The following SLC5A12 variants were observed in gnomAD, a reference collection of about 807,000 sequenced individuals.
The protein encoded by SLC5A12 is sodium-coupled monocarboxylate transporter 2.
SLC5A12 carries 46 observed loss-of-function variants against 72.7 expected under a neutral mutation model. That is an observed-to-expected ratio of 0.63 (90% CI 0.50 to 0.81). The LOEUF is 0.81. SLC5A12 is among the 30% of genes least tolerant of loss of function. SLC5A12 has a pLI of 0.00. For synonymous variants in SLC5A12, 275 were observed against 264.4 expected, an observed-to-expected ratio of 1.04 and a Z score of -0.39; for missense variants, 683 against 740.7, an observed-to-expected ratio of 0.92 and a Z score of 0.90.
At position 26,683,757 on chromosome 11, in the gene SLC5A12, C is replaced by G; in HGVS notation, c.1308G>C (p.Lys436Asn). Residue 436 changes from lysine (K) to asparagine (N), a missense_variant and splice_region_variant, in exon 11 of 15, where the codon AAG (lysine) becomes AAC (asparagine). Coordinates refer to ENST00000396005, the MANE Select transcript of SLC5A12 (RefSeq NM_178498.4). ...GTGAAGAGGGCTGTGGGATCCTTAC[C>G]TTCCAATTCACAAAAGGGAACACGA... ...LGIVFPFVNW[K>N]GALGGLLTGI... 1 of 1,582,474 alleles carries G rather than the reference C, an allele frequency of 6.3e-7. No individual in the cohort carries two copies. Among genetic ancestry groups the G allele is most frequent in the Non-Finnish European group, 8.6e-7 (1 of 1,163,456 alleles).
chr11:26,677,418 G>A (rs1294067653), intron 13 of SLC5A12, among the ~76,000 whole-genome samples: 1 of 152,152 alleles, frequency 6.6e-6, no homozygotes, highest in Admixed American at 6.6e-5. Flanking sequence ...GATTTCATGT[G>A]TACACATTTC....
rs554401687 is a variant in SLC5A12 at position 26,718,140 on chromosome 11, GAAGA to G, written c.339+3232_339+3235del. ...CAATAACTACTAGAGAATGGAGGCTGAAGAAAGAAACAGAAACTCCAGATACTAT... is the reference window on the plus strand; with the variant it reads ...CAATAACTACTAGAGAATGGAGGCTGAAGAAACAGAAACTCCAGATACTAT... On this transcript the variant is annotated intron_variant, in intron 1 of 14. Transcript: ENST00000396005. Among the ~76,000 whole-genome samples, 33 of 152,300 alleles carry G rather than the reference GAAGA, an allele frequency of 2.2e-4. No homozygotes were observed. The East Asian group carries it at 6.0e-3, about 28-fold the overall frequency.
Position 26,711,361 on chromosome 11 carries a change from G to C in SLC5A12, c.406-3C>G, listed in dbSNP as rs752881614. On this transcript the variant is annotated splice_region_variant and splice_polypyrimidine_tract_variant and intron_variant, in intron 2 of 14. Transcript: ENST00000396005. ...ACCACCACTCCTGTGTAGAGAATCT[G>C]GTAGAGAAACAAGAATCAGATTGGC... is the stretch of plus-strand genomic sequence containing the variant. 3.7e-6 allele frequency: 6 copies of C among 1,610,764 alleles called. No individual in the cohort carries two copies. The South Asian group carries it at 6.6e-5, about 18-fold the overall frequency.
chr11:26,713,121 C>T (rs1855270937), intron 1 of SLC5A12, among the ~76,000 whole-genome samples: 1 of 152,090 alleles, frequency 6.6e-6, no homozygotes, highest in South Asian at 2.1e-4. Flanking sequence ...TCTGTGCCCA[C>T]TCATCCTATC....
At chr11:26,685,133 C>T (rs902346076) in intron 10 of SLC5A12, among the ~76,000 whole-genome samples, 7 of 152,208 alleles carry the variant, frequency 4.6e-5, no homozygotes, top group African/African-American at 1.7e-4. Flanking sequence ...TAGATTAGTT[C>T]CCTGAATCTT....
intron 8 of SLC5A12, among the ~76,000 whole-genome samples, chr11:26,694,046 C>T (rs189228441): frequency 3.0e-4 from 46 of 152,096 alleles, no homozygotes; most frequent in African/African-American, 9.6e-4. Context: ...ATCCTTTGGG[C>T]GGGAGGGAGC....
intron 3 of SLC5A12, among the ~76,000 whole-genome samples, chr11:26,710,798 C>T (rs1378186815): frequency 6.6e-6 from 1 of 151,988 alleles, no homozygotes; most frequent in Non-Finnish European, 1.5e-5. Context: ...GAATTAAATG[C>T]AATATTGAGG....
upstream of SLC5A12, among the ~76,000 whole-genome samples, chr11:26,722,484 G>T (rs1855501374): frequency 6.6e-6 from 1 of 152,136 alleles, no homozygotes; most frequent in African/African-American, 2.4e-5. Context: ...TAAAATGAAA[G>T]GTAATAATAT....
intron 10 of SLC5A12, among the ~76,000 whole-genome samples, chr11:26,686,077 G>T (rs1252975768): frequency 2.0e-5 from 3 of 152,074 alleles, no homozygotes; most frequent in Non-Finnish European, 4.4e-5. Context: ...ATACATCTAG[G>T]ACTCTGCCCA....
intron 2 of SLC5A12, 74 bp from the exon 3 acceptor site, chr11:26,711,432 A>G (rs1475582691): frequency 2.6e-6 from 3 of 1,151,236 alleles, no homozygotes; most frequent in East Asian, 4.8e-5. Flanking sequence ...AAAGTTCTTT[A>G]TCGACGTTAG....
At chr11:26,682,701 A>G (rs1055170708) in intron 11 of SLC5A12, among the ~76,000 whole-genome samples, 2 of 152,204 alleles carry the variant, frequency 1.3e-5, no homozygotes, top group Non-Finnish European at 2.9e-5. Context: ...AAAAAACTAC[A>G]ATGTACTAAC....
intron 3 of SLC5A12, among the ~76,000 whole-genome samples, chr11:26,710,663 A>G (rs994776893): frequency 2.0e-5 from 3 of 152,050 alleles, no homozygotes; most frequent in Middle Eastern, 3.2e-3. Flanking sequence ...TATATCATAA[A>G]ATCAGATTAC....
intron 9 of SLC5A12, among the ~76,000 whole-genome samples, chr11:26,691,503 T>G (rs1297214966): frequency 2.6e-5 from 4 of 151,850 alleles, no homozygotes; most frequent in Non-Finnish European, 5.9e-5. Flanking sequence ...TGAAAAAAAT[T>G]TAAAAAGTAA....
intron 9 of SLC5A12, 48 bp downstream of exon 9, chr11:26,692,441 C>T: frequency 3.1e-6 from 4 of 1,270,224 alleles, no homozygotes; most frequent in Non-Finnish European, 4.6e-6. Context: ...ACATCTACCA[C>T]ATGTACATTT....
intron 1 of SLC5A12, among the ~76,000 whole-genome samples, chr11:26,715,027 C>CCG (rs1855317785): frequency 2.0e-5 from 3 of 151,828 alleles, no homozygotes; most frequent in Admixed American, 2.0e-4. Flanking sequence ...GTAGAAAACA[C>CCG]TGAAATGTCT....
At chr11:26,711,435 G>A (rs968825390) in intron 2 of SLC5A12, 77 bp from the exon 3 acceptor site, 106 of 1,090,354 alleles carry the variant, frequency 9.7e-5, no homozygotes, top group Admixed American at 2.8e-4. Context: ...GTTCTTTATC[G>A]ACGTTAGACT....
chr11:26,670,010 C>T lies in SLC5A12; in HGVS notation c.*1092G>A, dbSNP rs574286624. The T allele has an allele frequency of 6.6e-6, 1 of 152,216 alleles. No individual in the cohort carries two copies. The highest frequency in any genetic ancestry group is 2.1e-4 in the South Asian group (1 of 4,828). 9.4% of individuals were successfully genotyped at this position (152,216 alleles called of 1,614,324 possible). ...CTTCTTCCAAAAATCTTTCACTGCTCCTTCATTTGTCAACTCGCCTTTTAA... is the reference window on the plus strand; with the variant it reads ...CTTCTTCCAAAAATCTTTCACTGCTTCTTCATTTGTCAACTCGCCTTTTAA... On this transcript the variant is annotated 3_prime_UTR_variant, in exon 15 of 15. Coordinates refer to ENST00000396005, the MANE Select transcript of SLC5A12 (RefSeq NM_178498.4).
chr11:26,671,272 CATATTAGCAAG>C, intron 14 of SLC5A12, 21 bp from the exon 15 acceptor site: 1 of 1,565,134 alleles, frequency 6.4e-7, no homozygotes, highest in Non-Finnish European at 8.7e-7. Flanking sequence ...TACAAAGACA[CATATTAGCAAG>C]ATATCCTTGA....
rs890627559 is a variant in SLC5A12, at chr11:26,668,612, G to A, written c.*2490C>T. 8 of 151,884 alleles carry A rather than the reference G, an allele frequency of 5.3e-5. No individual in the cohort carries two copies. Among genetic ancestry groups the A allele is most frequent in the Non-Finnish European group, 7.4e-5 (5 of 67,962 alleles). The allele number at this position is 151,884 out of a possible 1,614,324, so 9.4% of individuals were successfully genotyped here. On this transcript the variant is annotated 3_prime_UTR_variant, in exon 15 of 15. Transcript: ENST00000396005. Reference sequence around the variant, plus strand: ...TTTTGCTTCACCACACAACAAACACGGTTTTCATACACTATGGAAGACAGT... The same window carrying A: ...TTTTGCTTCACCACACAACAAACACAGTTTTCATACACTATGGAAGACAGT...
Sources: gnomAD v4.1 joint callset for allele counts (sites outside exome capture counted in the v4.1 genomes callset) on GRCh38, gnomAD v4.1.1 for gene constraint, MANE v1.5 for transcripts, NCBI Gene and HGNC (gene_info 2026-07-23, HGNC 2026-07-21) for gene names.